The following ZBTB8B variants were observed in gnomAD, a reference collection of about 807,000 sequenced individuals.
The protein encoded by ZBTB8B is zinc finger and BTB domain-containing protein 8B.
In ZBTB8B, 17 loss-of-function variants were observed where a neutral mutation model predicts 30.3. The ratio of observed to expected loss-of-function variants is 0.56; its 90% confidence interval spans 0.38 to 0.84. The LOEUF (loss-of-function observed/expected upper bound fraction) is 0.84. Among genes scored for constraint, ZBTB8B ranks in the 40% least tolerant of loss-of-function variants. The pLI, the probability that ZBTB8B is intolerant of heterozygous loss-of-function variation, is 0.00. For synonymous variants in ZBTB8B, 248 were observed against 255.6 expected, an observed-to-expected ratio of 0.97 and a Z score of 0.28; for missense variants, 515 against 644.9, an observed-to-expected ratio of 0.80 and a Z score of 2.18.
rs1183874999 is a variant in ZBTB8B, at chr1:32,471,042, G to C, written c.418G>C (p.Ala140Pro). Residue 140 changes from alanine to proline, a missense_variant, in exon 2 of 4, where the codon GCG (alanine) becomes CCG (proline). Ala to Pro is a conservative substitution (Grantham distance 27). Coordinates refer to ENST00000609129, the MANE Select transcript of ZBTB8B (RefSeq NM_001145720.2). ...GGCTGCTGTGGCTGCAGCAGTGGCGGCGGCAGCGGCGGCGGCTGCAGCGGC... is the reference window on the plus strand; with the variant it reads ...GGCTGCTGTGGCTGCAGCAGTGGCGCCGGCAGCGGCGGCGGCTGCAGCGGC... ...KEAAVAAAVA[A>P]AAAAAAAAAA... The C allele has an allele frequency of 6.5e-7, 1 of 1,549,954 alleles. No homozygotes were observed. The highest frequency in any genetic ancestry group is 1.4e-5 in the African/African-American group (1 of 72,996).
rs772855029 is a variant in ZBTB8B, at chr1:32,485,414, C to T, written c.1484C>T (p.Thr495Met). Residue 495 changes from threonine to methionine, a missense_variant, in exon 4 of 4, where the codon ACG (threonine) becomes ATG (methionine). Transcript: ENST00000609129. ...QPNLSDRETL[T>M] ...AACTTATCAGACCGAGAGACACTTA[C>T]GTAGCAATAAATTGGTGGGGAAGAG... 102 of 1,547,044 alleles carry T rather than the reference C, an allele frequency of 6.6e-5. No individual in the cohort carries two copies. Among genetic ancestry groups the T allele is most frequent in the Middle Eastern group, 1.7e-4 (1 of 5,994 alleles).
chr1:32,476,788 CA>C (rs77792479), intron 2 of ZBTB8B, among the ~76,000 whole-genome samples: 2,164 of 84,720 alleles, frequency 0.026, 7 homozygotes, highest in African/African-American at 0.036. Flanking sequence ...GACTCTGTCT[CA>C]AAAAAAAAAA....
rs750748416 is a variant in ZBTB8B, at chr1:32,481,069, T to C, written c.1170T>C (p.Ser390=). ...AGCACCTGCGGAGCCACGCACTGAG[T>C]GTAAGTGTTCGAGCTGGCCATGCCC... ...RQEHLRSHAL[S]VHRSNRPIIC... The change falls in exon 3 of 4, where the codon AGT becomes AGC. Residue 390 remains serine, a splice_region_variant and synonymous_variant. Transcript: ENST00000609129. 72 of 1,548,532 alleles carry C rather than the reference T, an allele frequency of 4.6e-5. No homozygotes were observed. The highest frequency in any genetic ancestry group is 6.0e-5 in the Non-Finnish European group (69 of 1,144,950).
chr1:32,476,089 A>T (rs1420592535), intron 2 of ZBTB8B, among the ~76,000 whole-genome samples: 1 of 152,002 alleles, frequency 6.6e-6, no homozygotes, highest in Non-Finnish European at 1.5e-5. Context: ...AAGTGCTGGG[A>T]TTACAGGTGT....
At chr1:32,473,859 T>C (rs1396042531) in intron 2 of ZBTB8B, among the ~76,000 whole-genome samples, 1 of 151,892 alleles carries the variant, frequency 6.6e-6, no homozygotes, top group Admixed American at 6.6e-5. Flanking sequence ...TATTTTATTT[T>C]AATTTTTTTG....
intron 1 of ZBTB8B, among the ~76,000 whole-genome samples, chr1:32,469,689 T>G (rs1643601316): frequency 6.6e-6 from 1 of 152,194 alleles, no homozygotes; most frequent in Admixed American, 6.5e-5. Context: ...AACTGGGTCA[T>G]CTCCTACCCT....
intron 3 of ZBTB8B, among the ~76,000 whole-genome samples, chr1:32,481,505 A>G (rs1449585454): frequency 1.3e-5 from 2 of 152,104 alleles, no homozygotes; most frequent in African/African-American, 4.8e-5. Flanking sequence ...GCAGCAGACA[A>G]AAAGGGCTCC....
chr1:32,476,104 T>A (rs774213078), intron 2 of ZBTB8B, among the ~76,000 whole-genome samples: 6 of 151,824 alleles, frequency 4.0e-5, no homozygotes, highest in Non-Finnish European at 5.9e-5. Context: ...AGGTGTGAGC[T>A]GCTGTGCCTG....
In ZBTB8B at chr1:32,485,296, G is replaced by A. The variant is rs938724457; in HGVS notation, c.1366G>A (p.Asp456Asn). The part of the protein sequence containing the change: ...EASSESQEKS[D>N]TDNDWPIYVE... ...TTCATCTGAAAGCCAAGAAAAGAGC[G>A]ACACAGACAATGACTGGCCAATCTA... Residue 456 changes from aspartate to asparagine, a missense_variant, in exon 4 of 4, where the codon GAC becomes AAC. Coordinates refer to ENST00000609129, the MANE Select transcript of ZBTB8B (RefSeq NM_001145720.2). 29 of 1,552,166 alleles carry A rather than the reference G, an allele frequency of 1.9e-5. No individual in the cohort carries two copies. The highest frequency in any genetic ancestry group is 9.8e-5 in the Admixed American group (5 of 50,976).
At position 32,490,341 on chromosome 1, in the gene ZBTB8B, T is replaced by A. The variant is rs1643771278; in HGVS notation, c.*4923T>A. On this transcript the variant is annotated 3_prime_UTR_variant, in exon 4 of 4. Transcript: ENST00000609129. Reference sequence around the variant, plus strand: ...TGTGTTTTCATGTGATCACACTATCTTCTAACCTGATAAAGGGACACTTTA... The same window carrying A: ...TGTGTTTTCATGTGATCACACTATCATCTAACCTGATAAAGGGACACTTTA... The A allele has an allele frequency of 6.6e-6, 1 of 152,192 alleles. No homozygotes were observed. The highest frequency in any genetic ancestry group is 1.5e-5 in the Non-Finnish European group (1 of 68,048). 9.4% of individuals were successfully genotyped at this position (152,192 alleles called of 1,614,324 possible). A position where few individuals can be genotyped will look rare whatever the true frequency, so the allele number is the denominator to read the frequency against.
intron 2 of ZBTB8B, among the ~76,000 whole-genome samples, chr1:32,479,235 A>G (rs1643686178): frequency 6.6e-6 from 1 of 152,178 alleles, no homozygotes; most frequent in African/African-American, 2.4e-5. Context: ...TAGAGAGAAC[A>G]AATCTCGGGC....
chr1:32,485,582 A>C lies in ZBTB8B; in HGVS notation c.*164A>C. 1.3e-6 allele frequency: 1 copy of C among 742,292 alleles called. No homozygotes were observed. Among genetic ancestry groups the C allele is most frequent in the Non-Finnish European group, 2.1e-6 (1 of 467,956 alleles). 46.0% of individuals were successfully genotyped at this position (742,292 alleles called of 1,614,324 possible). On this transcript the variant is annotated 3_prime_UTR_variant, in exon 4 of 4. Transcript: ENST00000609129. Reference sequence around the variant, plus strand: ...TATCTGATAGAGGTTGGATTTTGTGACTCAAAGGACAGATAACCTTTTTGT... The same window carrying C: ...TATCTGATAGAGGTTGGATTTTGTGCCTCAAAGGACAGATAACCTTTTTGT...
rs1451081345 is a variant in ZBTB8B at position 32,471,604 on chromosome 1, G to C, written c.980G>C (p.Gly327Ala). 3 of 1,550,340 alleles carry C rather than the reference G, an allele frequency of 1.9e-6. No individual in the cohort carries two copies. Among genetic ancestry groups the C allele is most frequent in the Non-Finnish European group, 2.6e-6 (3 of 1,145,934 alleles). ...SMMDVQADWYGEDSGDVLVVP... is the reference protein window; with the variant it reads ...SMMDVQADWYAEDSGDVLVVP... ...ATGGATGTCCAGGCTGACTGGTATG[G>C]AGAGGACTCAGGTGAGCTCCCTTAG... Residue 327 changes from glycine (G) to alanine (A), a missense_variant, in exon 2 of 4, where the codon GGA (glycine) becomes GCA (alanine). Coordinates refer to ENST00000609129, the MANE Select transcript of ZBTB8B (RefSeq NM_001145720.2).
At chr1:32,470,002 C>T (rs1643603376) in intron 1 of ZBTB8B, among the ~76,000 whole-genome samples, 1 of 152,076 alleles carries the variant, frequency 6.6e-6, no homozygotes, top group Non-Finnish European at 1.5e-5. Flanking sequence ...TCTCCCACCT[C>T]AGCTTCCCTA....
Position 32,470,659 on chromosome 1 carries a change from G to C in ZBTB8B, c.35G>C (p.Gly12Ala), listed in dbSNP as rs1456978038. The change falls in exon 2 of 4, where the codon GGG becomes GCG. Residue 12 changes from glycine to alanine, a missense_variant. Coordinates refer to ENST00000609129, the MANE Select transcript of ZBTB8B (RefSeq NM_001145720.2). ...EMQSYYAKLL[G>A]ELNEQRKRDF... ...CAATCCTATTATGCCAAGCTTTTGG[G>C]GGAGCTGAATGAACAGAGAAAGAGG... 1 of 1,551,598 alleles carries C rather than the reference G, an allele frequency of 6.4e-7. No homozygotes were observed. Among genetic ancestry groups the C allele is most frequent in the Non-Finnish European group, 8.7e-7 (1 of 1,146,958 alleles).
intron 1 of ZBTB8B, among the ~76,000 whole-genome samples, chr1:32,466,782 C>T (rs967518455): frequency 6.6e-6 from 1 of 152,092 alleles, no homozygotes; most frequent in Non-Finnish European, 1.5e-5. Flanking sequence ...GGGAAGAGCC[C>T]CTATAGATCA....
At position 32,490,400 on chromosome 1, in the gene ZBTB8B, A is replaced by T. The variant is rs1266496059; in HGVS notation, c.*4982A>T. The T allele has an allele frequency of 1.3e-5, 2 of 152,026 alleles. No individual in the cohort carries two copies. The highest frequency in any genetic ancestry group is 2.9e-5 in the Non-Finnish European group (2 of 68,004). 9.4% of individuals were successfully genotyped at this position (152,026 alleles called of 1,614,324 possible). On this transcript the variant is annotated 3_prime_UTR_variant, in exon 4 of 4. Coordinates refer to ENST00000609129, the MANE Select transcript of ZBTB8B (RefSeq NM_001145720.2). Reference sequence around the variant, plus strand: ...CATATGATGGGCACTGTTTTCATTGATTTCTGTTGCTTTTGTAGTTCTCTC... The same window carrying T: ...CATATGATGGGCACTGTTTTCATTGTTTTCTGTTGCTTTTGTAGTTCTCTC...
In ZBTB8B at chr1:32,488,470, A is replaced by T. The variant is rs1035736976; in HGVS notation, c.*3052A>T. The T allele has an allele frequency of 2.2e-4, 33 of 152,264 alleles. No individual in the cohort carries two copies. Among genetic ancestry groups the T allele is most frequent in the African/African-American group, 7.5e-4 (31 of 41,528 alleles). The allele number at this position is 152,264 out of a possible 1,614,324, so 9.4% of individuals were successfully genotyped here. On this transcript the variant is annotated 3_prime_UTR_variant, in exon 4 of 4. Transcript: ENST00000609129. ...TTCAGTGATTCCGTGACCTCTTCAT[A>T]TCCCTGGGTAAAACATTTTACATTA...
At position 32,485,527 on chromosome 1, in the gene ZBTB8B, ACT is replaced by A; in HGVS notation, c.*110_*111del. 1 of 1,118,564 alleles carries A rather than the reference ACT, an allele frequency of 8.9e-7. No homozygotes were observed. Among genetic ancestry groups the A allele is most frequent in the Non-Finnish European group, 1.3e-6 (1 of 791,776 alleles). The allele number at this position is 1,118,564 out of a possible 1,614,324, so 69.3% of individuals were successfully genotyped here. ...GGAACCCTGAGAGGAACATTTTTTC[ACT>A]GTTATTATATGTGCATTTTTATTAG... On this transcript the variant is annotated 3_prime_UTR_variant, in exon 4 of 4. Transcript: ENST00000609129.
Sources: gnomAD v4.1 joint callset for allele counts (sites outside exome capture counted in the v4.1 genomes callset) on GRCh38, gnomAD v4.1.1 for gene constraint, MANE v1.5 for transcripts, NCBI Gene and HGNC (gene_info 2026-07-23, HGNC 2026-07-21) for gene names.